SETBP1: variants seen among roughly 807,000 people sequenced by gnomAD.
The protein encoded by SETBP1 is SET-binding protein.
SETBP1 carries 9 observed loss-of-function variants against 101.0 expected under a neutral mutation model. The ratio of observed to expected loss-of-function variants is 0.09; its 90% CI spans 0.05 to 0.16. SETBP1 has a LOEUF of 0.16. Among genes scored for constraint, SETBP1 ranks in the 10% least tolerant of loss-of-function variants. The pLI, the probability that SETBP1 is intolerant of heterozygous loss-of-function variation, is 1.00. For synonymous variants in SETBP1, 818 were observed against 788.5 expected, an observed-to-expected ratio of 1.04 and a Z score of -0.63; for missense variants, 1,858 against 2,033.8, an observed-to-expected ratio of 0.91 and a Z score of 1.66.
rs771155434 is a variant in SETBP1, at chr18:44,952,253, C to T, written c.2913C>T (p.His971=). ...ITKFQVFRIS[H]RSYTFYHENP... Reference sequence around the variant, plus strand: ...AGTTCCAAGTGTTCAGAATCTCCCACCGGAGTTACACCTTCTACCACGAGA... The same window carrying T: ...AGTTCCAAGTGTTCAGAATCTCCCATCGGAGTTACACCTTCTACCACGAGA... The change falls in exon 4 of 6, where the codon CAC becomes CAT. Residue 971 remains histidine (H), a synonymous_variant. Coordinates refer to ENST00000649279, the MANE Select transcript of SETBP1 (RefSeq NM_015559.3). 8 of 1,614,056 alleles carry T rather than the reference C, an allele frequency of 5.0e-6. No individual in the cohort carries two copies. The East Asian group carries it at 1.8e-4, about 36-fold the overall frequency.
intron 2 of SETBP1, among the ~76,000 whole-genome samples, chr18:44,852,434 G>A (rs2072890409): frequency 6.6e-6 from 1 of 152,200 alleles, no homozygotes; most frequent in Non-Finnish European, 1.5e-5. Flanking sequence ...TGGGTGTGCA[G>A]CCATGGGTCA....
chr18:44,895,661 G>A (rs1444752499), intron 3 of SETBP1, among the ~76,000 whole-genome samples: 1 of 152,114 alleles, frequency 6.6e-6, no homozygotes, highest in African/African-American at 2.4e-5. Context: ...GGTGGCAATG[G>A]TGTTAGGATG....
intron 2 of SETBP1, among the ~76,000 whole-genome samples, chr18:44,837,527 G>A (rs960701550): frequency 1.3e-5 from 2 of 152,188 alleles, no homozygotes; most frequent in Non-Finnish European, 2.9e-5. Context: ...AAGAATATAT[G>A]CCCTTGTACA....
intron 3 of SETBP1, among the ~76,000 whole-genome samples, chr18:44,948,333 T>C (rs947258560): frequency 2.6e-5 from 4 of 152,156 alleles, no homozygotes; most frequent in Non-Finnish European, 5.9e-5. Flanking sequence ...CAGAAACTAG[T>C]GTGAAGGAAA....
chr18:44,947,068 C>T (rs2071223639), intron 3 of SETBP1, among the ~76,000 whole-genome samples: 1 of 152,142 alleles, frequency 6.6e-6, no homozygotes, highest in Admixed American at 6.5e-5. Context: ...CTGCCTAGTA[C>T]TTCTGTGATG....
At chr18:44,824,924 GC>G (rs775683783) in intron 2 of SETBP1, among the ~76,000 whole-genome samples, 8 of 152,380 alleles carry the variant, frequency 5.3e-5, no homozygotes, top group Non-Finnish European at 8.8e-5. Context: ...TCTTGCTGCA[GC>G]CATGGCGACT....
chr18:44,699,046 G>T (rs1267316604), intron 1 of SETBP1, among the ~76,000 whole-genome samples: 1 of 152,046 alleles, frequency 6.6e-6, no homozygotes, highest in Non-Finnish European at 1.5e-5. Flanking sequence ...AAAGTTTAGA[G>T]TTCACCTTCT....
intron 1 of SETBP1, among the ~76,000 whole-genome samples, chr18:44,682,016 G>A (rs1346463630): frequency 1.3e-5 from 2 of 152,042 alleles, no homozygotes; most frequent in East Asian, 1.9e-4. Context: ...GTCCACTGGC[G>A]TTGATTGTTT....
At chr18:44,876,668 G>GC (rs1460049650) in intron 3 of SETBP1, 1 of 1,550,274 alleles carries the variant, frequency 6.5e-7, no homozygotes, top group South Asian at 1.2e-5. Context: ...TGCTTCTCAT[G>GC]CCCCCGGAAC....
At chr18:44,711,841 C>G (rs1489093569) in intron 2 of SETBP1, among the ~76,000 whole-genome samples, 1 of 151,954 alleles carries the variant, frequency 6.6e-6, no homozygotes, top group Non-Finnish European at 1.5e-5. Flanking sequence ...GCTGACTACA[C>G]AACCTCTAGG....
rs552231457 is a variant in SETBP1 at position 44,703,745 on chromosome 18, T to C, written c.486+1913T>C. Among the ~76,000 whole-genome samples the C allele has an allele frequency of 5.3e-5, 8 of 152,298 alleles. No individual in the cohort carries two copies. In the South Asian group the frequency reaches 1.7e-3, roughly 32 times the overall value. On this transcript the variant is annotated intron_variant, in intron 2 of 5. Transcript: ENST00000649279. The stretch of plus-strand genomic sequence containing the variant: ...GCTCTCTCCTCCCCCATTACAACTT[T>C]GCAGTGATTTCTGGATACTCTGTCG...
intron 5 of SETBP1, among the ~76,000 whole-genome samples, chr18:45,058,632 C>T (rs1281761665): frequency 2.6e-5 from 4 of 152,192 alleles, no homozygotes; most frequent in Non-Finnish European, 5.9e-5. Flanking sequence ...GTACCATACT[C>T]TGCTATTATT....
intron 4 of SETBP1, among the ~76,000 whole-genome samples, chr18:45,017,503 C>G (rs1353290677): frequency 1.3e-5 from 2 of 152,228 alleles, no homozygotes; most frequent in African/African-American, 4.8e-5. Flanking sequence ...CTGAGAAACT[C>G]CTCCGAAGGA....
chr18:44,989,737 C>T (rs55682861), intron 4 of SETBP1, among the ~76,000 whole-genome samples: 12 of 150,580 alleles, frequency 8.0e-5, no homozygotes, highest in Admixed American at 3.3e-4. Context: ...GGCATAGTGG[C>T]GGGCCCCTGT....
intron 4 of SETBP1, among the ~76,000 whole-genome samples, chr18:44,977,372 C>A (rs1003677608): frequency 2.0e-5 from 3 of 152,188 alleles, no homozygotes; most frequent in Non-Finnish European, 4.4e-5. Context: ...TAAACCCTGG[C>A]CAATGTACAA....
intron 2 of SETBP1, among the ~76,000 whole-genome samples, chr18:44,830,951 A>C (rs1194835923): frequency 6.6e-6 from 1 of 152,234 alleles, no homozygotes; most frequent in Non-Finnish European, 1.5e-5. Context: ...TCATTCCACA[A>C]AGCATTGGGA....
intron 2 of SETBP1, among the ~76,000 whole-genome samples, chr18:44,815,030 C>T (rs2071945960): frequency 6.6e-6 from 1 of 152,200 alleles, no homozygotes; most frequent in Non-Finnish European, 1.5e-5. Context: ...CCTCATATGA[C>T]AGACCCTGAT....
At chr18:44,958,943 A>G (rs1436916366) in intron 4 of SETBP1, among the ~76,000 whole-genome samples, 5 of 152,156 alleles carry the variant, frequency 3.3e-5, no homozygotes, top group African/African-American at 1.2e-4. Flanking sequence ...GAAACCAAGA[A>G]TTAATCAAAT....
At chr18:44,904,171 C>A (rs1235220566) in intron 3 of SETBP1, among the ~76,000 whole-genome samples, 2 of 151,796 alleles carry the variant, frequency 1.3e-5, no homozygotes, top group African/African-American at 2.4e-5. Context: ...AGTGTGGATC[C>A]ATGCTATAAA....
Sources: gnomAD v4.1 joint callset for allele counts (sites outside exome capture counted in the v4.1 genomes callset) on GRCh38, gnomAD v4.1.1 for gene constraint, MANE v1.5 for transcripts, NCBI Gene and HGNC (gene_info 2026-07-23, HGNC 2026-07-21) for gene names.